The following MYO5B variants were observed in gnomAD, a reference collection of about 807,000 sequenced individuals.
MYO5B encodes the protein myosin VB.
A neutral mutation model predicts 229.3 loss-of-function variants in MYO5B; 143 were observed. That is an observed-to-expected ratio of 0.62 (90% CI 0.54 to 0.72). MYO5B has a LOEUF of 0.72. Among genes scored for constraint, MYO5B ranks in the 30% least tolerant of loss-of-function variants. MYO5B has a pLI of 0.00. For missense variants in MYO5B, 2,321 were observed against 2,331.0 expected (o/e 1.00, Z 0.09); for synonymous variants, 918 against 885.2 (o/e 1.04, Z -0.66).
At chr18:50,030,357 A>C (rs902559693) in intron 4 of MYO5B, among the ~76,000 whole-genome samples, 1 of 147,292 alleles carries the variant, frequency 6.8e-6, no homozygotes, top group African/African-American at 2.4e-5. Context: ...GTGCTCACTA[A>C]GGGTTGTCCC....
intron 16 of MYO5B, among the ~76,000 whole-genome samples, chr18:49,933,679 C>T (rs1396092540): frequency 2.0e-5 from 3 of 152,146 alleles, no homozygotes; most frequent in Non-Finnish European, 4.4e-5. Context: ...CTATGATGCA[C>T]AGGACAGCAC....
chr18:49,926,470 C>A lies in MYO5B; in HGVS notation c.2090+3042G>T, dbSNP rs558646577. 9.8e-5 allele frequency among the ~76,000 whole-genome samples: 15 copies of A among 152,336 alleles called. No individual in the cohort carries two copies. In the South Asian group the frequency reaches 2.9e-3, roughly 29 times the overall value. On this transcript the variant is annotated intron_variant, in intron 17 of 39. Transcript: ENST00000285039. Reference sequence around the variant, plus strand: ...TGAGCGAGTTGTTAGGACAGAGGGTCCCAGTGGGACAGGCTCTGGGCTGCT... The same window carrying A: ...TGAGCGAGTTGTTAGGACAGAGGGTACCAGTGGGACAGGCTCTGGGCTGCT...
intron 4 of MYO5B, among the ~76,000 whole-genome samples, chr18:50,010,629 A>T (rs897284067): frequency 2.0e-5 from 3 of 152,336 alleles, no homozygotes; most frequent in Admixed American, 2.0e-4. Flanking sequence ...AATACACTGG[A>T]ATTCAGAAAG....
chr18:49,939,145 TTTC>T (rs1598897270), intron 14 of MYO5B, among the ~76,000 whole-genome samples: 2 of 133,766 alleles, frequency 1.5e-5, no homozygotes, highest in African/African-American at 5.7e-5. Flanking sequence ...CTTTCTTTTT[TTTC>T]TTTTTTTTTT....
intron 1 of MYO5B, among the ~76,000 whole-genome samples, chr18:50,070,606 ATGCCACAG>A (rs1192372513): frequency 3.3e-5 from 5 of 152,114 alleles, no homozygotes; most frequent in African/African-American, 1.2e-4. Flanking sequence ...AATACCATTA[ATGCCACAG>A]TTGAGAAATT....
intron 14 of MYO5B, among the ~76,000 whole-genome samples, chr18:49,945,070 T>TCCA (rs1204865934): frequency 6.6e-6 from 1 of 152,192 alleles, no homozygotes; most frequent in East Asian, 1.9e-4. Context: ...TTCTGCTTCC[T>TCCA]CTAATCTTCT....
intron 16 of MYO5B, among the ~76,000 whole-genome samples, chr18:49,934,328 G>T (rs1163456128): frequency 1.3e-5 from 2 of 152,144 alleles, no homozygotes; most frequent in African/African-American, 2.4e-5. Context: ...CTAGAATCCC[G>T]GTATCATGAC....
chr18:49,962,824 A>G, intron 11 of MYO5B, 125 bp downstream of exon 11: 1 of 864,710 alleles, frequency 1.2e-6, no homozygotes, highest in Non-Finnish European at 2.0e-6. Context: ...TACCACCAGG[A>G]AAACCAAGGG....
At chr18:49,908,725 C>T (rs550230099) in intron 18 of MYO5B, among the ~76,000 whole-genome samples, 3 of 152,140 alleles carry the variant, frequency 2.0e-5, no homozygotes, top group African/African-American at 7.2e-5. Flanking sequence ...TTATGGCCAT[C>T]GTTACATTAG....
At chr18:50,027,903 A>T (rs2026348119) in intron 4 of MYO5B, among the ~76,000 whole-genome samples, 2 of 152,214 alleles carry the variant, frequency 1.3e-5, no homozygotes, top group South Asian at 4.1e-4. Context: ...AATCCTGCTC[A>T]GCATACCAAA....
intron 4 of MYO5B, among the ~76,000 whole-genome samples, chr18:50,033,914 G>A (rs181355379): frequency 6.6e-6 from 1 of 151,728 alleles, no homozygotes; most frequent in Non-Finnish European, 1.5e-5. Flanking sequence ...GGAACTCTTG[G>A]GGGGTGGGTA....
intron 21 of MYO5B, among the ~76,000 whole-genome samples, chr18:49,901,028 TACAAAATGATCTC>T (rs1238611645): frequency 6.6e-6 from 1 of 152,196 alleles, no homozygotes; most frequent in African/African-American, 2.4e-5. Context: ...TTTCCTCATA[TACAAAATGATCTC>T]ACAAAATTGT....
At chr18:49,907,737 C>A (rs2024915153) in intron 18 of MYO5B, among the ~76,000 whole-genome samples, 1 of 152,274 alleles carries the variant, frequency 6.6e-6, no homozygotes, top group Non-Finnish European at 1.5e-5. Flanking sequence ...GGAAGGCTGT[C>A]CTGCCTGAGC....
chr18:49,929,570 G>C lies in MYO5B; in HGVS notation c.2032C>G (p.Leu678Val). ...HFDPKRAVQQ[L>V]RACGVLETIR... ...GTCTCCAACACCCCGCAGGCTCTGA[G>C]TTGCTGCACTGCTCTCTTTGGGTCA... The change falls in exon 17 of 40, where the codon CTC becomes GTC. Residue 678 changes from leucine to valine, a missense_variant. By Grantham distance (32) the Leu-to-Val change is conservative (BLOSUM62 1). This residue lies in a region of MYO5B where 2,113 missense variants were observed against 2,044.7 expected (regional missense o/e 1.03). Coordinates refer to ENST00000285039, the MANE Select transcript of MYO5B (RefSeq NM_001080467.3). The C allele has an allele frequency of 1.2e-6, 2 of 1,604,022 alleles. No homozygotes were observed. Among genetic ancestry groups the C allele is most frequent in the South Asian group, 1.1e-5 (1 of 89,948 alleles).
intron 9 of MYO5B, among the ~76,000 whole-genome samples, chr18:49,978,674 G>A (rs2025779788): frequency 6.7e-6 from 1 of 148,684 alleles, no homozygotes; most frequent in African/African-American, 2.5e-5. Flanking sequence ...TCACAAAGGA[G>A]AAAGGTAGGC....
At chr18:49,830,829 CAAAAAAAAAAAA>C (rs59785909) in intron 39 of MYO5B, among the ~76,000 whole-genome samples, 8 of 72,948 alleles carry the variant, frequency 1.1e-4, no homozygotes, top group East Asian at 3.3e-4. Context: ...GACTCTGTCT[CAAAAAAAAAAAA>C]AAAAAAAAAA....
At chr18:49,990,983 A>C (rs2025925438) in intron 6 of MYO5B, among the ~76,000 whole-genome samples, 1 of 142,220 alleles carries the variant, frequency 7.0e-6, no homozygotes, top group Non-Finnish European at 1.5e-5. Flanking sequence ...CAAGTGAGGC[A>C]GGATGTCTGG....
At chr18:50,045,202 G>A (rs916103053) in intron 2 of MYO5B, among the ~76,000 whole-genome samples, 8 of 152,114 alleles carry the variant, frequency 5.3e-5, no homozygotes, top group Middle Eastern at 3.2e-3. Context: ...AAGAAATTTC[G>A]TTGTAAGCAA....
chr18:50,093,622 C>T (rs559384130), intron 1 of MYO5B, among the ~76,000 whole-genome samples: 1 of 152,040 alleles, frequency 6.6e-6, no homozygotes, highest in Non-Finnish European at 1.5e-5. Context: ...GAGGTCAGCA[C>T]CAGATACAGG....
Sources: gnomAD v4.1 joint callset for allele counts (sites outside exome capture counted in the v4.1 genomes callset) on GRCh38, gnomAD v4.1.1 for gene constraint, gnomAD v4.1.1 regional missense constraint, MANE v1.5 for transcripts, NCBI Gene and HGNC (gene_info 2026-07-23, HGNC 2026-07-21) for gene names.